Variants in PTK7 observed in about 807,000 individuals in gnomAD.
The protein encoded by PTK7 is protein tyrosine kinase 7 (inactive).
PTK7 carries 39 observed loss-of-function variants against 116.6 expected under a neutral mutation model. The ratio of observed to expected loss-of-function variants is 0.33; its 90% CI spans 0.26 to 0.44. PTK7 has a LOEUF of 0.44. Ranked by LOEUF, PTK7 falls within the 20% of genes least tolerant of loss-of-function variation. The pLI is 1.00. For synonymous variants in PTK7, 546 were observed against 563.6 expected (o/e 0.97, Z 0.44); for missense variants, 1,169 against 1,425.6 (o/e 0.82, Z 2.90).
intron 1 of PTK7, among the ~76,000 whole-genome samples, chr6:43,084,071 G>A (rs1326517442): frequency 1.3e-5 from 2 of 152,142 alleles, no homozygotes; most frequent in African/African-American, 4.8e-5. Context: ...TTATGTTGCT[G>A]TTTTTGAATA....
chr6:43,143,044 C>T lies in PTK7; in HGVS notation c.2048-373C>T, dbSNP rs1770513210. 4.8e-6 allele frequency: 1 copy of T among 209,396 alleles called. No individual in the cohort carries two copies. The highest frequency in any genetic ancestry group is 8.3e-5 in the South Asian group (1 of 12,060). The allele number at this position is 209,396 out of a possible 1,614,324, so 13.0% of individuals were successfully genotyped here. ...AAAACCTGCTCTGTGCCAGGCAGTG[C>T]CTGGAATTCTAAACCTGAAGCTCCC... is the stretch of plus-strand genomic sequence containing the variant. On this transcript the variant is annotated intron_variant, in intron 13 of 19. Coordinates refer to ENST00000230419, the MANE Select transcript of PTK7 (RefSeq NM_002821.5). The surrounding 1 kb of genome is among the most constrained non-coding windows in gnomAD (Gnocchi z 4.2).
At position 43,158,983 on chromosome 6, in the gene PTK7, G is replaced by T. The variant is rs772242353; in HGVS notation, c.2873+15G>T. On this transcript the variant is annotated intron_variant, in intron 18 of 19. Coordinates refer to ENST00000230419, the MANE Select transcript of PTK7 (RefSeq NM_002821.5). ...GTGTACAACAGGTAGAAGGGCATGC[G>T]TGGGGTGGGGGCTCCCCATTTTTTC... 2.5e-6 allele frequency: 4 copies of T among 1,612,544 alleles called. No homozygotes were observed. The highest frequency in any genetic ancestry group is 1.3e-5 in the African/African-American group (1 of 75,020).
Position 43,130,677 on chromosome 6 carries a change from G to A in PTK7, c.812+16G>A. 2 of 1,614,060 alleles carry A rather than the reference G, an allele frequency of 1.2e-6. No individual in the cohort carries two copies. The highest frequency in any genetic ancestry group is 1.7e-6 in the Non-Finnish European group (2 of 1,179,958). ...ACCGCAGTCGGTAAGGCATCTGGCT[G>A]GGAGCATTCCAGTACCATGTACCAC... On this transcript the variant is annotated intron_variant, in intron 5 of 19. Transcript: ENST00000230419.
At chr6:43,089,276 A>G (rs1172027916) in intron 1 of PTK7, among the ~76,000 whole-genome samples, 1 of 152,212 alleles carries the variant, frequency 6.6e-6, no homozygotes, top group Non-Finnish European at 1.5e-5. Context: ...CTCAGACTCC[A>G]GTGTGGGAAC....
intron 1 of PTK7, among the ~76,000 whole-genome samples, chr6:43,112,093 C>T (rs967564730): frequency 1.3e-5 from 2 of 152,016 alleles, no homozygotes; most frequent in Non-Finnish European, 2.9e-5. Flanking sequence ...GGTAGTCTGA[C>T]TCCAGTCTCT....
rs776737161 is a variant in PTK7 at position 43,159,779 on chromosome 6, C to T, written c.2874-9C>T. ...CCCACCTCACCCCTGGGTTGCTTCTCTCCTGCAGTGAGTACTACCACTTCC... is the reference window on the plus strand; with the variant it reads ...CCCACCTCACCCCTGGGTTGCTTCTTTCCTGCAGTGAGTACTACCACTTCC... On this transcript the variant is annotated splice_polypyrimidine_tract_variant and intron_variant, in intron 18 of 19. Transcript: ENST00000230419. 6.2e-7 allele frequency: 1 copy of T among 1,614,072 alleles called. No homozygotes were observed.
intron 1 of PTK7, among the ~76,000 whole-genome samples, chr6:43,084,276 G>T (rs1766536419): frequency 6.6e-6 from 1 of 152,160 alleles, no homozygotes; most frequent in South Asian, 2.1e-4. Context: ...GACCACAGGT[G>T]CATGCCACCA....
intron 7 of PTK7, among the ~76,000 whole-genome samples, chr6:43,135,482 G>A (rs936288057): frequency 1.3e-5 from 2 of 152,200 alleles, no homozygotes; most frequent in South Asian, 4.1e-4. Context: ...GAACAAGGGA[G>A]AACAATGAAA....
At position 43,110,662 on chromosome 6, in the gene PTK7, G is replaced by A. The variant is rs182023711; in HGVS notation, c.80-18315G>A. Reference sequence around the variant, plus strand: ...TGTCCTCAGGTGATCCACCCGCCTCGGCCTCCCAAAGTGCTGGGATTACAG... The same window carrying A: ...TGTCCTCAGGTGATCCACCCGCCTCAGCCTCCCAAAGTGCTGGGATTACAG... On this transcript the variant is annotated intron_variant, in intron 1 of 19. Coordinates refer to ENST00000230419, the MANE Select transcript of PTK7 (RefSeq NM_002821.5). Among the ~76,000 whole-genome samples, 33 of 149,950 alleles carry A rather than the reference G, an allele frequency of 2.2e-4. No homozygotes were observed. The East Asian group carries it at 3.2e-3, about 15-fold the overall frequency.
chr6:43,101,837 A>C (rs903456312), intron 1 of PTK7, among the ~76,000 whole-genome samples: 1 of 152,216 alleles, frequency 6.6e-6, no homozygotes, highest in Non-Finnish European at 1.5e-5. Context: ...ATGTGCCATA[A>C]ACAAGTAAAG....
intron 1 of PTK7, among the ~76,000 whole-genome samples, chr6:43,122,699 C>G (rs1769033677): frequency 6.6e-6 from 1 of 151,246 alleles, no homozygotes; most frequent in Admixed American, 6.6e-5. Flanking sequence ...CTCTGTCTCC[C>G]TGGTTCAAGC....
intron 1 of PTK7, among the ~76,000 whole-genome samples, chr6:43,101,225 A>AAAAAGAAAGAAAG (rs530253569): frequency 0.02 from 2,925 of 146,322 alleles, 50 homozygotes; most frequent in Non-Finnish European, 0.031. Flanking sequence ...CAAAAAAAAA[A>AAAAAGAAAGAAAG]AAAGAAAGAA....
At chr6:43,144,642 T>C (rs1378656500) in intron 15 of PTK7, 36 bp downstream of exon 15, 1 of 1,581,734 alleles carries the variant, frequency 6.3e-7, no homozygotes, top group South Asian at 1.2e-5. Flanking sequence ...CCTGCCTAAC[T>C]ACAAGTCACC....
At chr6:43,089,406 A>T (rs1406383998) in intron 1 of PTK7, among the ~76,000 whole-genome samples, 1 of 152,208 alleles carries the variant, frequency 6.6e-6, no homozygotes, top group Admixed American at 6.5e-5. Flanking sequence ...AGGCTCTGTC[A>T]GGCCAACAGA....
chr6:43,131,818 C>A, intron 5 of PTK7, 198 bp from the exon 6 acceptor site: 3 of 675,174 alleles, frequency 4.4e-6, no homozygotes, highest in Non-Finnish European at 5.0e-6. Context: ...GTAGTTGGAA[C>A]ACACACCTGC....
intron 1 of PTK7, among the ~76,000 whole-genome samples, chr6:43,085,810 G>T (rs1435296143): frequency 6.6e-6 from 1 of 151,728 alleles, no homozygotes; most frequent in Non-Finnish European, 1.5e-5. Flanking sequence ...GCGCATGCCC[G>T]TAATCCCAGC....
In PTK7 at chr6:43,145,296, A is replaced by C; in HGVS notation, c.2504A>C (p.Lys835Thr). The C allele has an allele frequency of 6.2e-7, 1 of 1,614,146 alleles. No individual in the cohort carries two copies. The highest frequency in any genetic ancestry group is 8.5e-7 in the Non-Finnish European group (1 of 1,180,000). ...GTACTTGTGAAGAGCCTGCAGAGCA[A>C]GGATGAGCAGCAGCAGCTGGACTTC... ...TLVLVKSLQS[K>T]DEQQQLDFRR... Residue 835 changes from lysine to threonine, a missense_variant, in exon 16 of 20, where the codon AAG (lysine) becomes ACG (threonine). By Grantham distance (78) the Lys-to-Thr change is moderately conservative. Coordinates refer to ENST00000230419, the MANE Select transcript of PTK7 (RefSeq NM_002821.5). The surrounding 1 kb of genome is among the most constrained non-coding windows in gnomAD (Gnocchi z 4.8).
At chr6:43,138,661 TAAAAG>T (rs777310583) in intron 7 of PTK7, 183 bp from the exon 8 acceptor site, 19 of 722,102 alleles carry the variant, frequency 2.6e-5, no homozygotes, top group South Asian at 1.2e-4. Context: ...GAACCTGTCT[TAAAAG>T]AAAAAAAATT....
intron 1 of PTK7, among the ~76,000 whole-genome samples, chr6:43,118,723 A>G (rs1329003438): frequency 7.1e-6 from 1 of 141,814 alleles, no homozygotes; most frequent in East Asian, 2.1e-4. Flanking sequence ...ATATACGTAT[A>G]TACATATATG....
Sources: allele counts gnomAD v4.1 joint callset (sites outside exome capture counted in the v4.1 genomes callset), GRCh38; gene constraint gnomAD v4.1.1; non-coding constraint Gnocchi (gnomAD v3.1); transcripts MANE v1.5; gene names NCBI Gene and HGNC (gene_info 2026-07-23, HGNC 2026-07-21).